The following SLC14A2 variants were observed in gnomAD, a reference collection of about 807,000 sequenced individuals.
SLC14A2 encodes the protein urea transporter 2.
Under a neutral mutation model 104.6 loss-of-function variants are expected in SLC14A2, and 91 were observed. The observed-to-expected ratio is 0.87, with a 90% CI of 0.73 to 1.04. The LOEUF is 1.04. SLC14A2 is among the 50% of genes least tolerant of loss of function. The probability of loss-of-function intolerance (pLI) is 0.00; values close to 1 mark genes in which losing one functional copy is unlikely to be tolerated. For synonymous variants in SLC14A2, 476 were observed against 466.4 expected (o/e 1.02, Z -0.27); for missense variants, 1,189 against 1,156.0 (o/e 1.03, Z -0.41).
intron 1 of SLC14A2, among the ~76,000 whole-genome samples, chr18:45,472,668 T>A (rs956196431): frequency 9.9e-5 from 15 of 152,238 alleles, no homozygotes; most frequent in Admixed American, 7.9e-4. Context: ...GTCACATAAA[T>A]GTCTTCTTTT....
chr18:45,252,096 T>A (rs994099124), intron 1 of SLC14A2, among the ~76,000 whole-genome samples: 8 of 152,240 alleles, frequency 5.3e-5, no homozygotes, highest in Admixed American at 6.5e-5. Flanking sequence ...GTCTTCATTG[T>A]GACCAGCAAT....
chr18:45,639,821 G>A lies in SLC14A2; in HGVS notation c.919G>A (p.Val307Met), dbSNP rs2045489666. 1 of 1,613,848 alleles carries A rather than the reference G, an allele frequency of 6.2e-7. No individual in the cohort carries two copies. Among genetic ancestry groups the A allele is most frequent in the African/African-American group, 1.3e-5 (1 of 74,872 alleles). Residue 307 changes from valine (V) to methionine (M), a missense_variant, in exon 7 of 20, where the codon GTG (valine) becomes ATG (methionine). Val to Met is a conservative substitution (Grantham distance 21). Coordinates refer to ENST00000255226, the MANE Select transcript of SLC14A2 (RefSeq NM_007163.4). ...DNPWTGGVFLVALFISSPLIC... is the reference protein window; with the variant it reads ...DNPWTGGVFLMALFISSPLIC... ...TCCCTGGACAGGCGGCGTGTTCCTGGTGGCTCTGTTCATCTCCTCGCCACT... is the reference window on the plus strand; with the variant it reads ...TCCCTGGACAGGCGGCGTGTTCCTGATGGCTCTGTTCATCTCCTCGCCACT...
At chr18:45,257,459 T>C (rs1323919020) in intron 1 of SLC14A2, among the ~76,000 whole-genome samples, 2 of 152,228 alleles carry the variant, frequency 1.3e-5, no homozygotes, top group East Asian at 1.9e-4. Context: ...CTTCCTCTCT[T>C]CTTTTAATAA....
intron 2 of SLC14A2, among the ~76,000 whole-genome samples, chr18:45,523,280 G>A (rs908391649): frequency 2.0e-5 from 3 of 151,888 alleles, no homozygotes; most frequent in Non-Finnish European, 2.9e-5. Context: ...AAGACAGGTC[G>A]CCCAGGGCAG....
the SLC14A2 span, among the ~76,000 whole-genome samples, chr18:45,178,334 G>C: frequency 6.6e-6 from 1 of 151,892 alleles, no homozygotes; most frequent in African/African-American, 2.4e-5. Context: ...ATATTAGGAA[G>C]GAAAGTAATG....
intron 1 of SLC14A2, among the ~76,000 whole-genome samples, chr18:45,217,379 A>G (rs1332649884): frequency 7.3e-5 from 11 of 151,560 alleles, no homozygotes; most frequent in Admixed American, 6.6e-4. Context: ...ATGCCAAGTT[A>G]CAACATCTAC....
At chr18:45,476,996 C>T (rs904149735) in intron 1 of SLC14A2, among the ~76,000 whole-genome samples, 3 of 152,194 alleles carry the variant, frequency 2.0e-5, no homozygotes, top group Admixed American at 1.3e-4. Flanking sequence ...ATTCATCAAA[C>T]TCATTCTCCA....
intron 2 of SLC14A2, among the ~76,000 whole-genome samples, chr18:45,602,650 G>C (rs1244204121): frequency 6.6e-6 from 1 of 152,204 alleles, no homozygotes; most frequent in Admixed American, 6.5e-5. Flanking sequence ...GAAAAACTCA[G>C]ACCCTTGCAA....
intron 1 of SLC14A2, among the ~76,000 whole-genome samples, chr18:45,251,586 G>C (rs1253537202): frequency 2.6e-5 from 4 of 152,170 alleles, no homozygotes; most frequent in Non-Finnish European, 4.4e-5. Flanking sequence ...AGACCTAGTT[G>C]TCTGCAGCGT....
rs559482008 is a variant in SLC14A2, at chr18:45,636,973, G to A, written c.651-17G>A. 7.5e-6 allele frequency: 12 copies of A among 1,608,818 alleles called. No individual in the cohort carries two copies. In the Admixed American group the frequency reaches 1.5e-4, roughly 20 times the overall value. On this transcript the variant is annotated splice_polypyrimidine_tract_variant and intron_variant, in intron 5 of 19. Transcript: ENST00000255226. ...AGGATGTCACAGGGATTAACCCTCTGTCTCTTGCATCTTCAGCCCAGTTCT... is the reference window on the plus strand; with the variant it reads ...AGGATGTCACAGGGATTAACCCTCTATCTCTTGCATCTTCAGCCCAGTTCT...
At chr18:45,629,849 A>G (rs991957095) in intron 4 of SLC14A2, among the ~76,000 whole-genome samples, 1 of 152,230 alleles carries the variant, frequency 6.6e-6, no homozygotes, top group Non-Finnish European at 1.5e-5. Flanking sequence ...TGGCTCCCCA[A>G]GTGTCATTTG....
At chr18:45,482,586 G>C (rs1031484069) in intron 1 of SLC14A2, 10 of 152,264 alleles carry the variant, frequency 6.6e-5, no homozygotes, top group African/African-American at 2.4e-4. Context: ...GTCTCCCTTA[G>C]CTCCTTGACA....
chr18:45,471,271 C>A (rs1327127500), intron 1 of SLC14A2, among the ~76,000 whole-genome samples: 1 of 152,068 alleles, frequency 6.6e-6, no homozygotes. Flanking sequence ...CTAATTTTCC[C>A]CCTTGAAAAA....
At chr18:45,258,807 C>G (rs1229988398) in intron 1 of SLC14A2, among the ~76,000 whole-genome samples, 1 of 102,928 alleles carries the variant, frequency 9.7e-6, no homozygotes, top group African/African-American at 4.7e-5. Flanking sequence ...TTGTCTCTCC[C>G]CTTTCCAAAG....
intron 5 of SLC14A2, among the ~76,000 whole-genome samples, chr18:45,632,818 C>T (rs1285257814): frequency 1.3e-5 from 2 of 152,200 alleles, no homozygotes; most frequent in Non-Finnish European, 2.9e-5. Context: ...GCTGGGACTA[C>T]AGGCACCCGC....
chr18:45,561,034 C>T (rs1341758469), intron 2 of SLC14A2, among the ~76,000 whole-genome samples: 1 of 152,110 alleles, frequency 6.6e-6, no homozygotes, highest in Non-Finnish European at 1.5e-5. Context: ...AGCAACAGCA[C>T]AGGATACTGT....
At chr18:45,445,627 T>A (rs903211244) in intron 1 of SLC14A2, among the ~76,000 whole-genome samples, 1 of 152,180 alleles carries the variant, frequency 6.6e-6, no homozygotes, top group African/African-American at 2.4e-5. Context: ...TAGGAATGAT[T>A]GAAAGATTGA....
chr18:45,639,057 T>C (rs1209197950), intron 6 of SLC14A2, among the ~76,000 whole-genome samples: 1 of 152,250 alleles, frequency 6.6e-6, no homozygotes, highest in African/African-American at 2.4e-5. Flanking sequence ...CAGGGATGTC[T>C]GGGCTTCAGG....
chr18:45,382,929 A>G (rs1487384891), intron 1 of SLC14A2, among the ~76,000 whole-genome samples: 1 of 152,232 alleles, frequency 6.6e-6, no homozygotes, highest in Non-Finnish European at 1.5e-5. Flanking sequence ...TTAATCTCGA[A>G]GAAAAGCTCT....
Sources: gnomAD v4.1 joint callset for allele counts (sites outside exome capture counted in the v4.1 genomes callset) on GRCh38, gnomAD v4.1.1 for gene constraint, MANE v1.5 for transcripts, NCBI Gene and HGNC (gene_info 2026-07-23, HGNC 2026-07-21) for gene names.